The following CLIC6 variants were observed in gnomAD, a reference collection of about 807,000 sequenced individuals.
The protein encoded by CLIC6 is CLIC family member 6.
CLIC6 carries 39 observed loss-of-function variants against 49.2 expected under a neutral mutation model. That is an observed-to-expected ratio of 0.79 (90% CI 0.61 to 1.04). CLIC6 has a LOEUF of 1.04. Among genes scored for constraint, CLIC6 ranks in the 50% least tolerant of loss-of-function variants. The probability of loss-of-function intolerance (pLI) is 0.00; values close to 1 mark genes in which losing one functional copy is unlikely to be tolerated. For missense variants in CLIC6, 988 were observed against 993.1 expected (o/e 0.99, Z 0.07); for synonymous variants, 446 against 433.4 (o/e 1.03, Z -0.36).
intron 1 of CLIC6, among the ~76,000 whole-genome samples, chr21:34,692,350 C>A (rs1990010974): frequency 6.6e-6 from 1 of 152,126 alleles, no homozygotes. Context: ...CGGACTGTGG[C>A]TTTTTTCTAG....
chr21:34,684,681 A>G (rs1989842296), intron 1 of CLIC6, among the ~76,000 whole-genome samples: 1 of 152,252 alleles, frequency 6.6e-6, no homozygotes, highest in African/African-American at 2.4e-5. Context: ...TGGCACATGA[A>G]AGATTATTTC....
rs1989484089 is a variant in CLIC6, at chr21:34,669,541, G to C, written c.153G>C (p.Pro51=). The part of the protein sequence containing the change: ...PEGSEGAEEA[P]RGAAAVKEAG... ...GGAGCGAGGGCGCAGAGGAGGCGCC[G>C]AGGGGCGCCGCCGCTGTGAAGGAGG... The change falls in exon 1 of 6, where the codon CCG becomes CCC. Residue 51 remains proline, a synonymous_variant. Coordinates refer to ENST00000349499, the MANE Select transcript of CLIC6 (RefSeq NM_053277.3). 1.6e-6 allele frequency: 2 copies of C among 1,244,972 alleles called. No individual in the cohort carries two copies. Among genetic ancestry groups the C allele is most frequent in the East Asian group, 3.2e-5 (1 of 31,690 alleles). The allele number at this position is 1,244,972 out of a possible 1,614,324, so 77.1% of individuals were successfully genotyped here.
At chr21:34,683,376 A>G (rs1030018904) in intron 1 of CLIC6, among the ~76,000 whole-genome samples, 1 of 152,218 alleles carries the variant, frequency 6.6e-6, no homozygotes, top group African/African-American at 2.4e-5. Context: ...TGATATAAAA[A>G]TATTGCCTCT....
At chr21:34,698,118 C>G (rs1990121036) in intron 1 of CLIC6, among the ~76,000 whole-genome samples, 1 of 152,226 alleles carries the variant, frequency 6.6e-6, no homozygotes, top group Non-Finnish European at 1.5e-5. Context: ...TCTGTAGGAG[C>G]TGCCTGTAAT....
At chr21:34,674,124 A>AT (rs896636782) in intron 1 of CLIC6, among the ~76,000 whole-genome samples, 36 of 149,738 alleles carry the variant, frequency 2.4e-4, no homozygotes, top group African/African-American at 7.6e-4. Flanking sequence ...ATTTCTTCCA[A>AT]TTTTTTTTTT....
intron 1 of CLIC6, among the ~76,000 whole-genome samples, chr21:34,702,077 G>A (rs1330585365): frequency 1.3e-5 from 2 of 152,160 alleles, no homozygotes; most frequent in Admixed American, 1.3e-4. Flanking sequence ...TTCTACGGGG[G>A]ACCCGGCCCC....
chr21:34,710,702 A>G (rs1429631725), intron 5 of CLIC6, among the ~76,000 whole-genome samples: 1 of 152,094 alleles, frequency 6.6e-6, no homozygotes, highest in Non-Finnish European at 1.5e-5. Flanking sequence ...ACTCCCAGCT[A>G]CCTGGGGGGC....
At chr21:34,699,486 A>G in intron 1 of CLIC6, among the ~76,000 whole-genome samples, 1 of 147,528 alleles carries the variant, frequency 6.8e-6, no homozygotes, top group Non-Finnish European at 1.5e-5. Context: ...GTGGTCTTGA[A>G]CTCTTGAGCT....
chr21:34,696,398 G>T (rs1430593830), intron 1 of CLIC6, among the ~76,000 whole-genome samples: 1 of 152,162 alleles, frequency 6.6e-6, no homozygotes, highest in Non-Finnish European at 1.5e-5. Context: ...GCAGAGCTGG[G>T]TAAAACAAAC....
chr21:34,713,805 A>T (rs1455198914), intron 5 of CLIC6, among the ~76,000 whole-genome samples: 1 of 152,242 alleles, frequency 6.6e-6, no homozygotes, highest in Non-Finnish European at 1.5e-5. Context: ...ACACTGAGAC[A>T]TACTTGATAC....
chr21:34,710,774 C>G (rs1007014027), intron 5 of CLIC6, among the ~76,000 whole-genome samples: 14 of 152,144 alleles, frequency 9.2e-5, no homozygotes, highest in African/African-American at 3.1e-4. Context: ...GATCACACCA[C>G]TGAACTCCAG....
intron 1 of CLIC6, 137 bp downstream of exon 1, chr21:34,670,899 G>A (rs1248645749): frequency 1.9e-6 from 2 of 1,025,922 alleles, no homozygotes; most frequent in Non-Finnish European, 2.7e-6. Context: ...ATGCGCGGGC[G>A]GTAGGCGGGA....
intron 1 of CLIC6, among the ~76,000 whole-genome samples, chr21:34,675,817 G>A (rs1210302179): frequency 1.3e-5 from 2 of 152,208 alleles, no homozygotes; most frequent in Non-Finnish European, 2.9e-5. Flanking sequence ...GGGTCGGGTG[G>A]ATGGCTAATT....
Position 34,709,533 on chromosome 21 carries a change from A to G in CLIC6, c.1894A>G (p.Ile632Val). ...CAACCTCTTACCCAAGCTCCATATT[A>G]TTAAGGTTCATCTTCCCTCCCGACA... is the stretch of plus-strand genomic sequence containing the variant. ...DCNLLPKLHI[I>V]KIVAKKYRDF... The change falls in exon 5 of 6, where the codon ATT becomes GTT. Residue 632 changes from isoleucine to valine, a missense_variant. Transcript: ENST00000349499. 1 of 1,613,710 alleles carries G rather than the reference A, an allele frequency of 6.2e-7. No homozygotes were observed. Among genetic ancestry groups the G allele is most frequent in the Non-Finnish European group, 8.5e-7 (1 of 1,179,730 alleles).
intron 2 of CLIC6, 108 bp downstream of exon 2, chr21:34,707,497 C>T (rs1296483590): frequency 4.0e-5 from 30 of 743,556 alleles, no homozygotes; most frequent in South Asian, 1.8e-4. Context: ...TGCATGGGCA[C>T]GTCCATCCTC....
Position 34,670,636 on chromosome 21 carries a change from C to A in CLIC6, c.1248C>A (p.His416Gln). 6.4e-6 allele frequency: 10 copies of A among 1,554,018 alleles called. No individual in the cohort carries two copies. The highest frequency in any genetic ancestry group is 7.8e-6 in the Non-Finnish European group (9 of 1,151,474). ...AAEPEAQLSNHLAEEGPAEGS... is the reference protein window; with the variant it reads ...AAEPEAQLSNQLAEEGPAEGS... ...AGCCTGAGGCCCAGCTCAGCAACCACCTGGCCGAGGAGGGCCCCGCCGAGG... is the reference window on the plus strand; with the variant it reads ...AGCCTGAGGCCCAGCTCAGCAACCAACTGGCCGAGGAGGGCCCCGCCGAGG... The change falls in exon 1 of 6, where the codon CAC becomes CAA. Residue 416 changes from histidine (H) to glutamine (Q), a missense_variant. By Grantham distance (24) the His-to-Gln change is conservative (BLOSUM62 0). Around this residue, in one of 3 missense-constraint regions of CLIC6, gnomAD observed 647 missense variants for 596.9 expected, o/e 1.08. Coordinates refer to ENST00000349499, the MANE Select transcript of CLIC6 (RefSeq NM_053277.3).
rs1247793669 is a variant in CLIC6, at chr21:34,669,874, G to A, written c.486G>A (p.Ala162=). ...GGGAGGCGGGGGACAGCGTAGACGCGGAGGGCCCGCTGGGGGACAACATAG... is the reference window on the plus strand; with the variant it reads ...GGGAGGCGGGGGACAGCGTAGACGCAGAGGGCCCGCTGGGGGACAACATAG... ...ASGEAGDSVD[A]EGPLGDNIEA... Residue 162 remains alanine, a synonymous_variant, in exon 1 of 6, where the codon GCG becomes GCA. Coordinates refer to ENST00000349499, the MANE Select transcript of CLIC6 (RefSeq NM_053277.3). 4 of 1,327,590 alleles carry A rather than the reference G, an allele frequency of 3.0e-6. No individual in the cohort carries two copies. Among genetic ancestry groups the A allele is most frequent in the Non-Finnish European group, 3.9e-6 (4 of 1,037,260 alleles). 82.2% of individuals were successfully genotyped at this position (1,327,590 alleles called of 1,614,324 possible).
At chr21:34,693,869 G>T (rs565375552) in intron 1 of CLIC6, among the ~76,000 whole-genome samples, 1 of 152,282 alleles carries the variant, frequency 6.6e-6, no homozygotes, top group South Asian at 2.1e-4. Flanking sequence ...TGGAGGAGGG[G>T]CCTGATGGCG....
intron 1 of CLIC6, among the ~76,000 whole-genome samples, chr21:34,701,749 C>T (rs1384441930): frequency 6.6e-6 from 1 of 152,194 alleles, no homozygotes; most frequent in Non-Finnish European, 1.5e-5. Flanking sequence ...ATTTCAACTC[C>T]TCAGGCAAAT....
Sources: gnomAD v4.1 joint callset for allele counts (sites outside exome capture counted in the v4.1 genomes callset) on GRCh38, gnomAD v4.1.1 for gene constraint, gnomAD v4.1.1 regional missense constraint, MANE v1.5 for transcripts, NCBI Gene and HGNC (gene_info 2026-07-23, HGNC 2026-07-21) for gene names.